The following CCSER1 variants were observed in gnomAD, a reference collection of about 807,000 sequenced individuals.
The protein encoded by CCSER1 is coiled-coil serine rich protein 1, also known as serine-rich coiled-coil domain-containing protein 1.
Under a neutral mutation model 82.0 loss-of-function variants are expected in CCSER1, and 41 were observed. The observed-to-expected ratio is 0.50, with a 90% CI of 0.39 to 0.65. The LOEUF (loss-of-function observed/expected upper bound fraction) is 0.65, where lower values mean the gene tolerates loss of function less well. CCSER1 is among the 30% of genes least tolerant of loss of function. The pLI, the probability that CCSER1 is intolerant of heterozygous loss-of-function variation, is 0.00. For missense variants in CCSER1, 1,119 were observed against 1,064.2 expected (o/e 1.05, Z -0.72); for synonymous variants, 414 against 383.9 (o/e 1.08, Z -0.92).
chr4:91,543,795 C>T (rs1244652660), intron 10 of CCSER1, among the ~76,000 whole-genome samples: 7 of 152,084 alleles, frequency 4.6e-5, no homozygotes, highest in Middle Eastern at 3.2e-3. Flanking sequence ...TTGCTCTTCT[C>T]GAGGAGTATC....
intron 10 of CCSER1, among the ~76,000 whole-genome samples, chr4:91,462,074 G>A (rs17018546): frequency 0.022 from 3,288 of 152,166 alleles, 109 homozygotes; most frequent in African/African-American, 0.074. Context: ...GATGTAAGGG[G>A]AAATGTTTAA....
intron 9 of CCSER1, among the ~76,000 whole-genome samples, chr4:91,067,404 G>C (rs1720941891): frequency 6.6e-6 from 1 of 151,326 alleles, no homozygotes. Context: ...AAGTGCAGTG[G>C]TGCCATCATA....
At chr4:91,526,012 C>A (rs1331762610) in intron 10 of CCSER1, among the ~76,000 whole-genome samples, 3 of 152,164 alleles carry the variant, frequency 2.0e-5, no homozygotes, top group Non-Finnish European at 4.4e-5. Flanking sequence ...CTTTTCCTAT[C>A]TTGAAATAGC....
intron 1 of CCSER1, among the ~76,000 whole-genome samples, chr4:90,129,971 G>A (rs1722535626): frequency 6.6e-6 from 1 of 152,142 alleles, no homozygotes; most frequent in African/African-American, 2.4e-5. Context: ...ATCATTAAAA[G>A]TCCTATTTAT....
chr4:90,181,802 C>G (rs1444958736), intron 1 of CCSER1, among the ~76,000 whole-genome samples: 3 of 152,172 alleles, frequency 2.0e-5, no homozygotes, highest in Non-Finnish European at 4.4e-5. Context: ...AGAGCAGACA[C>G]TCAGCTGGTG....
chr4:91,405,987 A>G (rs950531341), intron 10 of CCSER1, among the ~76,000 whole-genome samples: 60 of 152,240 alleles, frequency 3.9e-4, no homozygotes, highest in African/African-American at 1.4e-3. Context: ...AGCTGTTCCT[A>G]TTTGGCCATC....
At chr4:90,500,200 G>A (rs1368572682) in intron 5 of CCSER1, among the ~76,000 whole-genome samples, 1 of 151,608 alleles carries the variant, frequency 6.6e-6, no homozygotes, top group African/African-American at 2.4e-5. Context: ...CTCAACAGCT[G>A]CTCTTTAATA....
At chr4:90,170,890 G>A (rs751865230) in intron 1 of CCSER1, among the ~76,000 whole-genome samples, 22 of 151,762 alleles carry the variant, frequency 1.4e-4, no homozygotes, top group Admixed American at 8.6e-4. Context: ...GCTAGCAGTG[G>A]GATTGCTGGA....
At chr4:90,570,927 C>T (rs550766452) in intron 5 of CCSER1, among the ~76,000 whole-genome samples, 1 of 152,182 alleles carries the variant, frequency 6.6e-6, no homozygotes, top group South Asian at 2.1e-4. Flanking sequence ...GGAACCCTTA[C>T]AGAGTCTTGG....
intron 5 of CCSER1, among the ~76,000 whole-genome samples, chr4:90,490,856 C>G (rs888923704): frequency 4.0e-5 from 6 of 151,856 alleles, no homozygotes; most frequent in South Asian, 2.1e-4. Flanking sequence ...ATTTCTGAGG[C>G]CTCTGTTCTG....
At chr4:90,141,324 A>T (rs1439344189) in intron 1 of CCSER1, among the ~76,000 whole-genome samples, 2 of 152,204 alleles carry the variant, frequency 1.3e-5, no homozygotes, top group Non-Finnish European at 2.9e-5. Flanking sequence ...ATACCTTTAC[A>T]CTAACATCCG....
At chr4:90,270,063 A>G (rs571156521) in intron 1 of CCSER1, among the ~76,000 whole-genome samples, 41 of 152,056 alleles carry the variant, frequency 2.7e-4, no homozygotes, top group African/African-American at 8.9e-4. Flanking sequence ...CCAAGACCCA[A>G]TGGATTCACT....
intron 1 of CCSER1, among the ~76,000 whole-genome samples, chr4:90,305,399 A>G (rs1374621922): frequency 6.6e-6 from 1 of 152,224 alleles, no homozygotes; most frequent in Non-Finnish European, 1.5e-5. Flanking sequence ...TAATTAGAGC[A>G]AAATTCTTCA....
At chr4:91,386,376 C>CA (rs1429895410) in intron 10 of CCSER1, among the ~76,000 whole-genome samples, 1 of 151,806 alleles carries the variant, frequency 6.6e-6, no homozygotes, top group African/African-American at 2.4e-5. Flanking sequence ...ATTCATGAGT[C>CA]TATATTAGTA....
At chr4:90,495,779 C>G (rs2153608232) in intron 5 of CCSER1, among the ~76,000 whole-genome samples, 1 of 152,222 alleles carries the variant, frequency 6.6e-6, no homozygotes, top group South Asian at 2.1e-4. Flanking sequence ...AAGAGGCCCA[C>G]ATTTATACAG....
intron 10 of CCSER1, among the ~76,000 whole-genome samples, chr4:91,390,368 T>C (rs1751572863): frequency 6.6e-6 from 1 of 152,012 alleles, no homozygotes; most frequent in Non-Finnish European, 1.5e-5. Flanking sequence ...TTTTCAAATG[T>C]TGAACCTGGG....
intron 10 of CCSER1, among the ~76,000 whole-genome samples, chr4:91,538,732 T>C (rs1761439611): frequency 8.3e-6 from 1 of 120,464 alleles, no homozygotes; most frequent in Admixed American, 7.8e-5. Flanking sequence ...GCCATCTGAG[T>C]TGTAGATTCT....
intron 10 of CCSER1, among the ~76,000 whole-genome samples, chr4:91,403,947 A>G (rs1178527256): frequency 6.6e-6 from 1 of 152,098 alleles, no homozygotes; most frequent in Non-Finnish European, 1.5e-5. Flanking sequence ...TTTCCTACTC[A>G]TTGGAATAGT....
At position 91,301,088 on chromosome 4, in the gene CCSER1, A is replaced by T. The variant is rs139854897; in HGVS notation, c.2217+215094A>T. On this transcript the variant is annotated intron_variant, in intron 10 of 10. Transcript: ENST00000509176. ...TTTGCGTGGCATTTGTACATTATGCATACATAATATGCACAATTTACAGAT... is the reference window on the plus strand; with the variant it reads ...TTTGCGTGGCATTTGTACATTATGCTTACATAATATGCACAATTTACAGAT... Among the ~76,000 whole-genome samples, 162 of 152,040 alleles carry T rather than the reference A, an allele frequency of 1.1e-3. 1 individual carries two copies. The highest frequency in any genetic ancestry group is 3.7e-3 in the African/African-American group (155 of 41,566).
Sources: allele counts gnomAD v4.1 joint callset (sites outside exome capture counted in the v4.1 genomes callset), GRCh38; gene constraint gnomAD v4.1.1; transcripts MANE v1.5; gene names NCBI Gene and HGNC (gene_info 2026-07-23, HGNC 2026-07-21).